Variants in PPP2R5A observed in about 807,000 individuals in gnomAD.
PPP2R5A encodes the protein protein phosphatase 2 regulatory subunit B'alpha, also known as serine/threonine-protein phosphatase 2A 56 kDa regulatory subunit alpha isoform.
PPP2R5A carries 25 observed loss-of-function variants against 64.2 expected under a neutral mutation model. The observed-to-expected ratio is 0.39, with a 90% CI of 0.28 to 0.54. The LOEUF (loss-of-function observed/expected upper bound fraction) is 0.54, where lower values mean the gene tolerates loss of function less well. Ranked by LOEUF, PPP2R5A falls within the 20% of genes least tolerant of loss-of-function variation. PPP2R5A has a pLI of 0.67. For missense variants in PPP2R5A, 425 were observed against 576.3 expected, an observed-to-expected ratio of 0.74 and a Z score of 2.69; for synonymous variants, 198 against 201.2, an observed-to-expected ratio of 0.98 and a Z score of 0.13.
chr1:212,323,509 A>G (rs1361811126), intron 1 of PPP2R5A, among the ~76,000 whole-genome samples: 1 of 152,236 alleles, frequency 6.6e-6, no homozygotes, highest in Non-Finnish European at 1.5e-5. Flanking sequence ...CAAGAATTGG[A>G]AACTTCTGTT....
At chr1:212,316,975 G>A (rs953503564) in intron 1 of PPP2R5A, among the ~76,000 whole-genome samples, 1 of 152,114 alleles carries the variant, frequency 6.6e-6, no homozygotes, top group African/African-American at 2.4e-5. Flanking sequence ...TCTTCAGCAA[G>A]TCCAGACTTT....
intron 1 of PPP2R5A, among the ~76,000 whole-genome samples, chr1:212,298,830 G>T (rs1257346177): frequency 5.3e-5 from 2 of 38,028 alleles, no homozygotes; most frequent in Non-Finnish European, 9.8e-5. Flanking sequence ...GGGCGGCCGG[G>T]CAGAGGCGCC....
At chr1:212,321,852 G>A (rs1002078981) in intron 1 of PPP2R5A, among the ~76,000 whole-genome samples, 24 of 150,488 alleles carry the variant, frequency 1.6e-4, no homozygotes, top group South Asian at 4.2e-4. Context: ...GGAGGTGGAG[G>A]TTGTAGCGAG....
At chr1:212,341,444 C>T (rs200251002) in intron 3 of PPP2R5A, among the ~76,000 whole-genome samples, 1 of 152,010 alleles carries the variant, frequency 6.6e-6, no homozygotes, top group East Asian at 1.9e-4. Context: ...ATTAATGATA[C>T]ACTGCCTGTT....
At chr1:212,348,985 T>G (rs1659830014) in intron 7 of PPP2R5A, among the ~76,000 whole-genome samples, 1 of 152,172 alleles carries the variant, frequency 6.6e-6, no homozygotes, top group Admixed American at 6.5e-5. Context: ...TGAAGTTACT[T>G]TCAAGGCTAA....
chr1:212,355,054 A>G (rs936272476), intron 8 of PPP2R5A, among the ~76,000 whole-genome samples: 1 of 152,308 alleles, frequency 6.6e-6, no homozygotes, highest in African/African-American at 2.4e-5. Flanking sequence ...ATATAACTGT[A>G]TTTGTAGTCT....
chr1:212,305,955 T>C (rs564710460), intron 1 of PPP2R5A, among the ~76,000 whole-genome samples: 111 of 152,244 alleles, frequency 7.3e-4, no homozygotes, highest in Non-Finnish European at 8.4e-4. Context: ...CCTAAGGAAA[T>C]TGAACACTTG....
chr1:212,356,158 AG>A (rs1659973961), intron 8 of PPP2R5A, among the ~76,000 whole-genome samples: 1 of 152,140 alleles, frequency 6.6e-6, no homozygotes, highest in Non-Finnish European at 1.5e-5. Context: ...GAAGCTGTCC[AG>A]GGTTTTTTTT....
At chr1:212,351,913 G>GT (rs1446875017) in intron 8 of PPP2R5A, among the ~76,000 whole-genome samples, 1 of 151,194 alleles carries the variant, frequency 6.6e-6, no homozygotes, top group Admixed American at 6.6e-5. Context: ...ACAAAACACC[G>GT]TTCTTATTCC....
intron 1 of PPP2R5A, among the ~76,000 whole-genome samples, chr1:212,297,088 T>C (rs1288647072): frequency 6.9e-6 from 1 of 145,418 alleles, no homozygotes; most frequent in African/African-American, 2.5e-5. Flanking sequence ...TCTTTTTCTT[T>C]GCTTCTTCTT....
intron 1 of PPP2R5A, among the ~76,000 whole-genome samples, chr1:212,322,440 T>C (rs1017809492): frequency 1.3e-5 from 2 of 152,228 alleles, no homozygotes; most frequent in African/African-American, 2.4e-5. Context: ...TTGGGACATA[T>C]TAATTACATC....
In PPP2R5A at chr1:212,356,625, G is replaced by T; in HGVS notation, c.928-1G>T. The T allele has an allele frequency of 6.2e-7, 1 of 1,608,534 alleles. No homozygotes were observed. The highest frequency in any genetic ancestry group is 1.1e-5 in the South Asian group (1 of 89,802). ...CATGCTAAACTTTTTCTTTTTCGCAGGTGATCAGAGGACTGCTGAAATTTT... is the reference window on the plus strand; with the variant it reads ...CATGCTAAACTTTTTCTTTTTCGCATGTGATCAGAGGACTGCTGAAATTTT... On this transcript the variant is annotated splice_acceptor_variant, in intron 8 of 12. Transcript: ENST00000261461. LOFTEE classifies it high-confidence loss of function.
intron 1 of PPP2R5A, among the ~76,000 whole-genome samples, chr1:212,292,537 T>C (rs1252016750): frequency 6.6e-6 from 1 of 152,182 alleles, no homozygotes; most frequent in East Asian, 1.9e-4. Flanking sequence ...TTTGGTGCTA[T>C]CTACCAGATG....
intron 1 of PPP2R5A, among the ~76,000 whole-genome samples, chr1:212,288,061 G>C (rs1225959842): frequency 6.6e-6 from 1 of 152,020 alleles, no homozygotes; most frequent in Non-Finnish European, 1.5e-5. Context: ...TCGTTGCTCA[G>C]GCTGGAGTGC....
At chr1:212,309,576 AATGAC>A in intron 1 of PPP2R5A, 1 of 695,772 alleles carries the variant, frequency 1.4e-6, no homozygotes, top group Non-Finnish European at 2.6e-6. Flanking sequence ...GAACATATAT[AATGAC>A]TACTTTAAAG....
At chr1:212,344,812 G>T (rs1488308678) in intron 4 of PPP2R5A, among the ~76,000 whole-genome samples, 1 of 152,116 alleles carries the variant, frequency 6.6e-6, no homozygotes. Context: ...GCCAATTGAG[G>T]TATAGGAGAG....
intron 3 of PPP2R5A, among the ~76,000 whole-genome samples, chr1:212,337,927 ATTC>A (rs10566047): frequency 0.075 from 11,428 of 152,092 alleles, 1,392 homozygotes; most frequent in African/African-American, 0.26. Flanking sequence ...TTTTATATGA[ATTC>A]TTTTATATAT....
chr1:212,323,256 C>T (rs1309537081), intron 1 of PPP2R5A, among the ~76,000 whole-genome samples: 5 of 152,190 alleles, frequency 3.3e-5, no homozygotes, highest in African/African-American at 1.2e-4. Flanking sequence ...CTGTATCTGG[C>T]CTTCTCAACT....
intron 6 of PPP2R5A, 138 bp downstream of exon 6, chr1:212,347,544 T>A (rs1029028136): frequency 1.8e-3 from 661 of 368,654 alleles, no homozygotes; most frequent in Admixed American, 3.8e-3. Flanking sequence ...ACTGAAGTCT[T>A]TTTTTTTTTT....
Sources: allele counts gnomAD v4.1 joint callset (sites outside exome capture counted in the v4.1 genomes callset), GRCh38; gene constraint gnomAD v4.1.1; transcripts MANE v1.5; gene names NCBI Gene and HGNC (gene_info 2026-07-23, HGNC 2026-07-21).